Variants in TAF3 observed in about 807,000 individuals in gnomAD.
The protein encoded by TAF3 is transcription initiation factor TFIID subunit 3.
Under a neutral mutation model 80.6 loss-of-function variants are expected in TAF3, and 7 were observed. The observed-to-expected ratio is 0.09, with a 90% CI of 0.05 to 0.16. TAF3 has a LOEUF of 0.16. Ranked by LOEUF, TAF3 falls within the 10% of genes least tolerant of loss-of-function variation. The pLI is 1.00. For missense variants in TAF3, 921 were observed against 1,140.2 expected (o/e 0.81, Z 2.77); for synonymous variants, 444 against 446.1 (o/e 1.00, Z 0.06).
At chr10:7,887,087 T>C (rs1292362246) in intron 2 of TAF3, among the ~76,000 whole-genome samples, 1 of 151,804 alleles carries the variant, frequency 6.6e-6, no homozygotes, top group African/African-American at 2.4e-5. Flanking sequence ...TAAAAAAAAT[T>C]AGCCGGGCGT....
intron 4 of TAF3, among the ~76,000 whole-genome samples, chr10:8,001,644 G>A (rs142806406): frequency 1.1e-3 from 174 of 152,166 alleles, no homozygotes; most frequent in Non-Finnish European, 1.6e-3. Context: ...TAGAAATTGT[G>A]TCCTACCCCA....
chr10:7,823,422 G>A (rs1836708723), intron 1 of TAF3, among the ~76,000 whole-genome samples: 1 of 151,544 alleles, frequency 6.6e-6, no homozygotes, highest in Non-Finnish European at 1.5e-5. Flanking sequence ...ATTGAGGCCA[G>A]GAGTTCAAAA....
At chr10:7,829,029 C>CAAAA (rs59969868) in intron 2 of TAF3, among the ~76,000 whole-genome samples, 7 of 66,810 alleles carry the variant, frequency 1.0e-4, no homozygotes, top group East Asian at 5.4e-4. Flanking sequence ...GACTCCGTCT[C>CAAAA]AAAAAAAAAA....
intron 2 of TAF3, among the ~76,000 whole-genome samples, chr10:7,844,404 G>A (rs771467477): frequency 5.5e-5 from 8 of 145,298 alleles, no homozygotes; most frequent in Non-Finnish European, 1.2e-4. Context: ...TTGAGACGGA[G>A]TCTTGCTCTG....
intron 2 of TAF3, among the ~76,000 whole-genome samples, chr10:7,957,738 A>G (rs1229941423): frequency 1.3e-5 from 2 of 151,858 alleles, no homozygotes; most frequent in Non-Finnish European, 2.9e-5. Flanking sequence ...GGAAATAAAA[A>G]TCTTTGAAAT....
chr10:7,890,453 G>A (rs1375249060), intron 2 of TAF3, among the ~76,000 whole-genome samples: 2 of 152,104 alleles, frequency 1.3e-5, no homozygotes, highest in Non-Finnish European at 2.9e-5. Flanking sequence ...TTGGTTAATC[G>A]CAGAAAAGAA....
intron 4 of TAF3, among the ~76,000 whole-genome samples, chr10:7,987,116 G>C (rs2131425662): frequency 1.3e-5 from 2 of 152,276 alleles, no homozygotes; most frequent in Middle Eastern, 3.4e-3. Flanking sequence ...GAGCCCAGGA[G>C]TTCAAGACCA....
chr10:7,853,958 TAA>T (rs1029820919), intron 2 of TAF3, among the ~76,000 whole-genome samples: 2 of 152,244 alleles, frequency 1.3e-5, no homozygotes, highest in African/African-American at 4.8e-5. Context: ...GAATTTATAA[TAA>T]AGAGTGTTCT....
At chr10:7,965,795 ACAG>A (rs1174107970) in intron 3 of TAF3, 53 bp downstream of exon 3, 2 of 1,433,130 alleles carry the variant, frequency 1.4e-6, no homozygotes, top group Non-Finnish European at 1.8e-6. Context: ...AGTGAGAAAC[ACAG>A]GTAAACAAAG....
chr10:8,004,346 TC>T (rs1349362189), intron 4 of TAF3, among the ~76,000 whole-genome samples: 1 of 152,164 alleles, frequency 6.6e-6, no homozygotes, highest in Non-Finnish European at 1.5e-5. Context: ...ATGTGCCTGG[TC>T]CAGTTTTATT....
intron 2 of TAF3, among the ~76,000 whole-genome samples, chr10:7,825,386 T>A (rs1836729783): frequency 6.6e-6 from 1 of 152,232 alleles, no homozygotes; most frequent in Non-Finnish European, 1.5e-5. Context: ...TGTGCAGTTC[T>A]GTGGCATTAA....
rs201956997 is a variant in TAF3, at chr10:7,964,025, A to G, written c.515A>G (p.Asp172Gly). Residue 172 changes from aspartate to glycine, a missense_variant, in exon 3 of 7, where the codon GAT (aspartate) becomes GGT (glycine). Around this residue, in one of 6 missense-constraint regions of TAF3, gnomAD observed 743 missense variants for 821.0 expected, o/e 0.90. Coordinates refer to ENST00000344293, the MANE Select transcript of TAF3 (RefSeq NM_031923.4). This position sits in a 1 kb window ranked among gnomAD's most constrained non-coding sequence, Gnocchi z 4.1. ...TTGGAGGAGGAAGAAATTATTAATGATGAGAATTTCCTGGGCAAGAGACCA... is the reference window on the plus strand; with the variant it reads ...TTGGAGGAGGAAGAAATTATTAATGGTGAGAATTTCCTGGGCAAGAGACCA... ...DELEEEEIIN[D>G]ENFLGKRPLD... The G allele has an allele frequency of 3.2e-4, 521 of 1,614,154 alleles. 1 individual carries two copies. Among genetic ancestry groups the G allele is most frequent in the South Asian group, 4.6e-4 (42 of 91,078 alleles).
At chr10:7,843,915 C>T (rs1051038461) in intron 2 of TAF3, among the ~76,000 whole-genome samples, 1 of 152,032 alleles carries the variant, frequency 6.6e-6, no homozygotes, top group Non-Finnish European at 1.5e-5. Context: ...AGAAAACGGA[C>T]TGTTTTATAT....
intron 2 of TAF3, among the ~76,000 whole-genome samples, chr10:7,948,304 G>T (rs571318994): frequency 6.7e-6 from 1 of 149,242 alleles, no homozygotes; most frequent in East Asian, 2.0e-4. Context: ...GCCCAGGCTG[G>T]TCTTGAACTC....
chr10:7,820,118 C>T (rs116738893), intron 1 of TAF3, among the ~76,000 whole-genome samples: 17 of 152,348 alleles, frequency 1.1e-4, no homozygotes, highest in African/African-American at 3.8e-4. Flanking sequence ...TCCATTCCTA[C>T]ATGCGTGCTG....
intron 2 of TAF3, among the ~76,000 whole-genome samples, chr10:7,835,564 C>T (rs1451088723): frequency 6.6e-6 from 1 of 152,198 alleles, no homozygotes. Flanking sequence ...TCTGTCCTGG[C>T]AGAGAGCAGC....
At chr10:7,842,151 GTTTTTTTTTTT>G (rs71505465) in intron 2 of TAF3, among the ~76,000 whole-genome samples, 1 of 98,798 alleles carries the variant, frequency 1.0e-5, no homozygotes. Flanking sequence ...AATTAATATT[GTTTTTTTTTTT>G]TGTTTTTTTT....
At chr10:7,879,244 A>G (rs2131152725) in intron 2 of TAF3, among the ~76,000 whole-genome samples, 1 of 152,314 alleles carries the variant, frequency 6.6e-6, no homozygotes, top group East Asian at 1.9e-4. Flanking sequence ...TTGTCATAAA[A>G]TTACTTTCAC....
chr10:7,845,385 T>G (rs144873878), intron 2 of TAF3, among the ~76,000 whole-genome samples: 31 of 152,308 alleles, frequency 2.0e-4, no homozygotes, highest in African/African-American at 7.2e-4. Context: ...ATGTCCTCCG[T>G]TTTTCGTTTA....
Sources: allele counts gnomAD v4.1 joint callset (sites outside exome capture counted in the v4.1 genomes callset), GRCh38; gene constraint gnomAD v4.1.1; regional missense constraint gnomAD v4.1.1; non-coding constraint Gnocchi (gnomAD v3.1); transcripts MANE v1.5; gene names NCBI Gene and HGNC (gene_info 2026-07-23, HGNC 2026-07-21).